The following ADCYAP1R1 variants were observed in gnomAD, a reference collection of about 807,000 sequenced individuals.
ADCYAP1R1 encodes ADCYAP receptor type I.
In ADCYAP1R1, 44 loss-of-function variants were observed where a neutral mutation model predicts 67.6. That is an observed-to-expected ratio of 0.65 (90% CI 0.51 to 0.84). The LOEUF (loss-of-function observed/expected upper bound fraction) is 0.84, where lower values mean the gene tolerates loss of function less well. ADCYAP1R1 is among the 40% of genes least tolerant of loss of function. The pLI, the probability that ADCYAP1R1 is intolerant of heterozygous loss-of-function variation, is 0.00. For missense variants in ADCYAP1R1, 477 were observed against 587.9 expected (o/e 0.81, Z 1.95); for synonymous variants, 222 against 219.6 (o/e 1.01, Z -0.10).
chr7:31,081,824 A>G, intron 6 of ADCYAP1R1, 70 bp downstream of exon 6: 1 of 1,345,724 alleles, frequency 7.4e-7, no homozygotes, highest in Non-Finnish European at 1.0e-6. Flanking sequence ...GTGAGCTTTG[A>G]GAACCCCATC....
At chr7:31,067,719 G>C (rs1794801247) in intron 3 of ADCYAP1R1, among the ~76,000 whole-genome samples, 1 of 152,192 alleles carries the variant, frequency 6.6e-6, no homozygotes, top group Non-Finnish European at 1.5e-5. Flanking sequence ...TGGGATCTTT[G>C]AAGGGCCCTT....
Position 31,086,821 on chromosome 7 carries a change from G to C in ADCYAP1R1, c.824-122G>C. Reference sequence around the variant, plus strand: ...GAGGCCTGGGTGTGAGGGACAGTTAGAATTCCCAGGAATTCCAAGTCTCAT... The same window carrying C: ...GAGGCCTGGGTGTGAGGGACAGTTACAATTCCCAGGAATTCCAAGTCTCAT... On this transcript the variant is annotated intron_variant, in intron 10 of 15. Transcript: ENST00000304166. The surrounding 1 kb of genome is among the most constrained non-coding windows in gnomAD (Gnocchi z 5.0). 9.0e-7 allele frequency: 1 copy of C among 1,117,188 alleles called. No homozygotes were observed. Among genetic ancestry groups the C allele is most frequent in the Non-Finnish European group, 1.4e-6 (1 of 739,276 alleles). 69.2% of individuals were successfully genotyped at this position (1,117,188 alleles called of 1,614,324 possible). A position where few individuals can be genotyped will look rare whatever the true frequency, so the allele number is the denominator to read the frequency against.
chr7:31,059,613 C>G (rs1357228474), intron 1 of ADCYAP1R1, among the ~76,000 whole-genome samples: 1 of 152,030 alleles, frequency 6.6e-6, no homozygotes, highest in African/African-American at 2.4e-5. Flanking sequence ...TTGGGAGAGT[C>G]TGGAGGAGGA....
chr7:31,061,451 C>T (rs1377350812), intron 1 of ADCYAP1R1, among the ~76,000 whole-genome samples: 1 of 152,192 alleles, frequency 6.6e-6, no homozygotes, highest in Non-Finnish European at 1.5e-5. Context: ...GGAGCTGGTA[C>T]AGAGACGGAA....
chr7:31,094,441 T>C (rs932294171), intron 13 of ADCYAP1R1, among the ~76,000 whole-genome samples: 1 of 152,094 alleles, frequency 6.6e-6, no homozygotes, highest in Non-Finnish European at 1.5e-5. Context: ...GGTCACACAC[T>C]AATAGTTGTC....
At chr7:31,057,971 A>G (rs149980215) in intron 1 of ADCYAP1R1, among the ~76,000 whole-genome samples, 1 of 152,320 alleles carries the variant, frequency 6.6e-6, no homozygotes, top group African/African-American at 2.4e-5. Context: ...CCCCAGCCCC[A>G]TGATGGGCAG....
intron 3 of ADCYAP1R1, among the ~76,000 whole-genome samples, chr7:31,065,281 G>A (rs928672476): frequency 6.6e-6 from 1 of 152,188 alleles, no homozygotes; most frequent in African/African-American, 2.4e-5. Flanking sequence ...CACAGCTATT[G>A]CCTGTGGCTG....
At chr7:31,087,751 G>T (rs1443800698) in intron 12 of ADCYAP1R1, 55 bp downstream of exon 12, 1 of 1,451,768 alleles carries the variant, frequency 6.9e-7, no homozygotes, top group Non-Finnish European at 9.6e-7. Flanking sequence ...GGGCAGAAAG[G>T]CACGCGAGGA....
intron 13 of ADCYAP1R1, chr7:31,099,986 C>A: frequency 1.3e-6 from 1 of 771,634 alleles, no homozygotes; most frequent in South Asian, 1.7e-5. Flanking sequence ...ATGTCTTGGC[C>A]CTTGGCTCCC....
Position 31,059,327 on chromosome 7 carries a change from G to A in ADCYAP1R1, c.-71-3867G>A, listed in dbSNP as rs980793131. Among the ~76,000 whole-genome samples the A allele has an allele frequency of 9.2e-5, 14 of 152,174 alleles. 1 individual carries two copies. Among genetic ancestry groups the A allele is most frequent in the Non-Finnish European group, 1.8e-4 (12 of 68,038 alleles). On this transcript the variant is annotated intron_variant, in intron 1 of 15. Coordinates refer to ENST00000304166, the MANE Select transcript of ADCYAP1R1 (RefSeq NM_001118.5). ...TAAAAAGAAGGCACAGAGAAGTTAA[G>A]CAGTTTTCCCAAGCTCCTGGGGCAG... is the stretch of plus-strand genomic sequence containing the variant.
intron 3 of ADCYAP1R1, among the ~76,000 whole-genome samples, chr7:31,070,094 A>G (rs1170979372): frequency 6.6e-6 from 1 of 152,182 alleles, no homozygotes; most frequent in Non-Finnish European, 1.5e-5. Context: ...CTGTTATATC[A>G]GACAGGGAGT....
rs1367867837 is a variant in ADCYAP1R1, at chr7:31,109,346, G to A, written c.*2662G>A. ...AAAACCCTTCCCTCTCTGACCCTCTGTTTTCAAATCTGTAAAATGGGCAAT... is the reference window on the plus strand; with the variant it reads ...AAAACCCTTCCCTCTCTGACCCTCTATTTTCAAATCTGTAAAATGGGCAAT... On this transcript the variant is annotated 3_prime_UTR_variant, in exon 16 of 16. Coordinates refer to ENST00000304166, the MANE Select transcript of ADCYAP1R1 (RefSeq NM_001118.5). 1.3e-5 allele frequency: 2 copies of A among 152,176 alleles called. No individual in the cohort carries two copies. The highest frequency in any genetic ancestry group is 4.8e-5 in the African/African-American group (2 of 41,446). 9.4% of individuals were successfully genotyped at this position (152,176 alleles called of 1,614,324 possible).
chr7:31,056,984 C>G (rs901017009), intron 1 of ADCYAP1R1: 1 of 152,306 alleles, frequency 6.6e-6, no homozygotes, highest in Non-Finnish European at 1.5e-5. Flanking sequence ...GCTGTGGGCA[C>G]ACGCACGTCA....
chr7:31,105,840 C>A (rs977602304), intron 15 of ADCYAP1R1, among the ~76,000 whole-genome samples: 3 of 152,140 alleles, frequency 2.0e-5, no homozygotes, highest in Admixed American at 6.5e-5. Context: ...TGGGTGTAGG[C>A]GCTGCTTCCA....
Position 31,102,689 on chromosome 7 carries a change from C to T in ADCYAP1R1, c.1047-548C>T, listed in dbSNP as rs566191102. On this transcript the variant is annotated intron_variant, in intron 13 of 15. Coordinates refer to ENST00000304166, the MANE Select transcript of ADCYAP1R1 (RefSeq NM_001118.5). The surrounding 1 kb of genome is among the most constrained non-coding windows in gnomAD (Gnocchi z 4.3). ...CGTAAGTTCCTCCTAGAATCCCTCC[C>T]GAGTTTCTTCCTCTGTGATCCACTC... Among the ~76,000 whole-genome samples, 4 of 152,262 alleles carry T rather than the reference C, an allele frequency of 2.6e-5. No homozygotes were observed. Among genetic ancestry groups the T allele is most frequent in the East Asian group, 1.9e-4 (1 of 5,168 alleles).
At chr7:31,097,923 C>CA (rs1489440743) in intron 13 of ADCYAP1R1, among the ~76,000 whole-genome samples, 1 of 152,144 alleles carries the variant, frequency 6.6e-6, no homozygotes, top group African/African-American at 2.4e-5. Flanking sequence ...AATTTTTAGA[C>CA]AGAGTCTTGC....
In ADCYAP1R1 at chr7:31,108,698, G is replaced by A. The variant is rs1796739253; in HGVS notation, c.*2014G>A. 1.3e-5 allele frequency: 2 copies of A among 151,986 alleles called. No homozygotes were observed. Among genetic ancestry groups the A allele is most frequent in the South Asian group, 4.1e-4 (2 of 4,828 alleles). 9.4% of individuals were successfully genotyped at this position (151,986 alleles called of 1,614,324 possible). On this transcript the variant is annotated 3_prime_UTR_variant, in exon 16 of 16. Transcript: ENST00000304166. The stretch of plus-strand genomic sequence containing the variant: ...TTTTTCCAGTTCAAAGTCAAGACAG[G>A]TAAAAGGGCATTCATCATTGTGCCT...
At position 31,086,837 on chromosome 7, in the gene ADCYAP1R1, C is replaced by G; in HGVS notation, c.824-106C>G. 2.4e-6 allele frequency: 3 copies of G among 1,233,346 alleles called. No homozygotes were observed. Among genetic ancestry groups the G allele is most frequent in the Non-Finnish European group, 3.6e-6 (3 of 840,230 alleles). The allele number at this position is 1,233,346 out of a possible 1,614,324, so 76.4% of individuals were successfully genotyped here. The stretch of plus-strand genomic sequence containing the variant: ...GGACAGTTAGAATTCCCAGGAATTC[C>G]AAGTCTCATGGGGGAGCAATAGCCT... On this transcript the variant is annotated intron_variant, in intron 10 of 15. Coordinates refer to ENST00000304166, the MANE Select transcript of ADCYAP1R1 (RefSeq NM_001118.5). This position sits in a 1 kb window ranked among gnomAD's most constrained non-coding sequence, Gnocchi z 5.0.
At chr7:31,087,796 C>T (rs1043581629) in intron 12 of ADCYAP1R1, 100 bp downstream of exon 12, 10 of 872,756 alleles carry the variant, frequency 1.1e-5, no homozygotes, top group Non-Finnish European at 1.5e-5. Flanking sequence ...AACCTGACTT[C>T]CTCCTCTGTC....
Sources: gnomAD v4.1 joint callset for allele counts (sites outside exome capture counted in the v4.1 genomes callset) on GRCh38, gnomAD v4.1.1 for gene constraint, Gnocchi (gnomAD v3.1) non-coding constraint, MANE v1.5 for transcripts, NCBI Gene and HGNC (gene_info 2026-07-23, HGNC 2026-07-21) for gene names.